Variants in SPN observed in about 807,000 individuals in gnomAD.
SPN encodes leukosialin.
SPN carries 6 observed loss-of-function variants against 8.4 expected under a neutral mutation model. The observed-to-expected ratio is 0.72, with a 90% CI of 0.39 to 1.42. The LOEUF (loss-of-function observed/expected upper bound fraction) is 1.42. Ranked by LOEUF, SPN falls within the 40% of genes most tolerant of loss-of-function variation. SPN has a pLI of 0.02. For synonymous variants in SPN, 201 were observed against 222.6 expected (o/e 0.90, Z 0.86); for missense variants, 517 against 530.6 (o/e 0.97, Z 0.25).
In SPN at chr16:29,668,856, AC is replaced by A. The variant is rs1484191758; in HGVS notation, c.*3926del. 1.8e-5 allele frequency: 3 copies of A among 166,824 alleles called. No homozygotes were observed. Among genetic ancestry groups the A allele is most frequent in the African/African-American group, 7.3e-5 (3 of 41,378 alleles). 10.3% of individuals were successfully genotyped at this position (166,824 alleles called of 1,614,324 possible). On this transcript the variant is annotated 3_prime_UTR_variant, in exon 2 of 2. Transcript: ENST00000652691. ...GGAAATACATAATTAAAAAAAAAAA[AC>A]GTGGAGCAGATCCAGCGCAGTGGCT... is the stretch of plus-strand genomic sequence containing the variant.
At position 29,670,717 on chromosome 16, in the gene SPN, C is replaced by T. The variant is rs1283821507; in HGVS notation, c.*5786C>T. On this transcript the variant is annotated 3_prime_UTR_variant, in exon 2 of 2. Coordinates refer to ENST00000652691, the MANE Select transcript of SPN (RefSeq NM_003123.6). ...TAGTTTTGTAATAAAAATTCCCAAC[C>T]ATATATGCACTTATAGGGAAACAAA... 2.2e-6 allele frequency: 1 copy of T among 452,918 alleles called. No homozygotes were observed. The highest frequency in any genetic ancestry group is 4.4e-6 in the Non-Finnish European group (1 of 225,552). The allele number at this position is 452,918 out of a possible 1,614,324, so 28.1% of individuals were successfully genotyped here.
Position 29,666,552 on chromosome 16 carries a change from A to ACAAGCG in SPN, c.*1622_*1623insAAGCGC, listed in dbSNP as rs139174583. ...CACACACACACACACACACACACAC[A>ACAAGCG]CGCGCGCGCGCGCGCGCTCTCCTGC... On this transcript the variant is annotated 3_prime_UTR_variant, in exon 2 of 2. Coordinates refer to ENST00000652691, the MANE Select transcript of SPN (RefSeq NM_003123.6). 2 of 148,970 alleles carry ACAAGCG rather than the reference A, an allele frequency of 1.3e-5. No individual in the cohort carries two copies. Among genetic ancestry groups the ACAAGCG allele is most frequent in the South Asian group, 4.8e-4 (2 of 4,174 alleles). 9.2% of individuals were successfully genotyped at this position (148,970 alleles called of 1,614,324 possible).
rs1308122459 is a variant in SPN, at chr16:29,663,936, T to G, written c.208T>G (p.Ser70Ala). The change falls in exon 2 of 2, where the codon TCC becomes GCC. Residue 70 changes from serine (S) to alanine (A), a missense_variant. By Grantham distance (99) the Ser-to-Ala change is moderately conservative. Coordinates refer to ENST00000652691, the MANE Select transcript of SPN (RefSeq NM_003123.6). The surrounding 1 kb of genome is among the most constrained non-coding windows in gnomAD (Gnocchi z 4.3). Reference sequence around the variant, plus strand: ...GACCTCAGCCCTACCTCCCTCAACTTCCATCAATGAGGGATCCCCTCTTTG... The same window carrying G: ...GACCTCAGCCCTACCTCCCTCAACTGCCATCAATGAGGGATCCCCTCTTTG... ...DQTSALPPST[S>A]INEGSPLWTS... 4 of 1,613,876 alleles carry G rather than the reference T, an allele frequency of 2.5e-6. No individual in the cohort carries two copies. The highest frequency in any genetic ancestry group is 1.6e-4 in the Middle Eastern group (1 of 6,062).
chr16:29,663,817 G>A lies in SPN; in HGVS notation c.89G>A (p.Gly30Glu). 1.9e-6 allele frequency: 3 copies of A among 1,614,048 alleles called. No homozygotes were observed. Among genetic ancestry groups the A allele is most frequent in the Non-Finnish European group, 2.5e-6 (3 of 1,180,002 alleles). ...ACAGCAGTGCAGACACCCACCTCCGGAGAGCCTTTGGTCTCTACTAGCGAG... is the reference window on the plus strand; with the variant it reads ...ACAGCAGTGCAGACACCCACCTCCGAAGAGCCTTTGGTCTCTACTAGCGAG... Reference protein sequence around the residue: ...STTAVQTPTSGEPLVSTSEPL... With the variant: ...STTAVQTPTSEEPLVSTSEPL... Residue 30 changes from glycine (G) to glutamate (E), a missense_variant, in exon 2 of 2, where the codon GGA (glycine) becomes GAA (glutamate). Transcript: ENST00000652691. The surrounding 1 kb of genome is among the most constrained non-coding windows in gnomAD (Gnocchi z 4.3).
rs900231923 is a variant in SPN at position 29,665,825 on chromosome 16, T to G, written c.*894T>G. ...ATGGCTGGGTGGGGCCACCAGCCCA[T>G]GCTCTCAGGCGGGCCTGTGATCTTT... On this transcript the variant is annotated 3_prime_UTR_variant, in exon 2 of 2. Transcript: ENST00000652691. The G allele has an allele frequency of 6.0e-6, 1 of 166,948 alleles. No individual in the cohort carries two copies. Among genetic ancestry groups the G allele is most frequent in the Non-Finnish European group, 1.5e-5 (1 of 68,138 alleles). 10.3% of individuals were successfully genotyped at this position (166,948 alleles called of 1,614,324 possible).
rs1456810699 is a variant in SPN, at chr16:29,664,768, G to C, written c.1040G>C (p.Gly347Ala). ...SRRPTLTTFF[G>A]RRKSRQGSLA... is the part of the protein sequence containing the mutation. ...CGGCCCACGCTCACCACTTTCTTTGGCAGACGGAAGTCTCGCCAGGGCTCC... is the reference window on the plus strand; with the variant it reads ...CGGCCCACGCTCACCACTTTCTTTGCCAGACGGAAGTCTCGCCAGGGCTCC... Residue 347 changes from glycine to alanine, a missense_variant, in exon 2 of 2, where the codon GGC (glycine) becomes GCC (alanine). Gly to Ala is a moderately conservative substitution (Grantham distance 60). Coordinates refer to ENST00000652691, the MANE Select transcript of SPN (RefSeq NM_003123.6). The surrounding 1 kb of genome is among the most constrained non-coding windows in gnomAD (Gnocchi z 6.4). The C allele has an allele frequency of 6.7e-7, 1 of 1,494,794 alleles. No homozygotes were observed. The highest frequency in any genetic ancestry group is 8.9e-7 in the Non-Finnish European group (1 of 1,124,398). The allele number at this position is 1,494,794 out of a possible 1,614,324, so 92.6% of individuals were successfully genotyped here.
rs1205566817 is a variant in SPN, at chr16:29,664,486, G to C, written c.758G>C (p.Arg253Pro). 2 of 1,614,072 alleles carry C rather than the reference G, an allele frequency of 1.2e-6. No individual in the cohort carries two copies. Among genetic ancestry groups the C allele is most frequent in the African/African-American group, 2.7e-5 (2 of 74,942 alleles). Residue 253 changes from arginine to proline, a missense_variant, in exon 2 of 2, where the codon CGA becomes CCA. Physicochemically the swap from Arg to Pro is moderately radical, Grantham distance 103. Coordinates refer to ENST00000652691, the MANE Select transcript of SPN (RefSeq NM_003123.6). The surrounding 1 kb of genome is among the most constrained non-coding windows in gnomAD (Gnocchi z 6.4). ...VPFRNPDENS[R>P]GMLPVAVLVA... ...TTCCGGAACCCAGATGAGAACTCAC[G>C]AGGCATGCTGCCAGTGGCTGTGCTT...
rs200728494 is a variant in SPN, at chr16:29,664,471, C to T, written c.743C>T (p.Pro248Leu). Residue 248 changes from proline (P) to leucine (L), a missense_variant, in exon 2 of 2, where the codon CCA becomes CTA. Pro to Leu is a moderately conservative substitution (Grantham distance 98). Transcript: ENST00000652691. The surrounding 1 kb of genome is among the most constrained non-coding windows in gnomAD (Gnocchi z 6.4). ...GCAAGCACTGTGCCCTTCCGGAACCCAGATGAGAACTCACGAGGCATGCTG... is the reference window on the plus strand; with the variant it reads ...GCAAGCACTGTGCCCTTCCGGAACCTAGATGAGAACTCACGAGGCATGCTG... Reference protein sequence around the residue: ...TNASTVPFRNPDENSRGMLPV... With the variant: ...TNASTVPFRNLDENSRGMLPV... The T allele has an allele frequency of 6.5e-5, 105 of 1,614,124 alleles. No homozygotes were observed. The highest frequency in any genetic ancestry group is 8.5e-5 in the Non-Finnish European group (100 of 1,180,054).
Position 29,665,098 on chromosome 16 carries a change from C to T in SPN, c.*167C>T. 1 of 779,520 alleles carries T rather than the reference C, an allele frequency of 1.3e-6. No homozygotes were observed. The highest frequency in any genetic ancestry group is 1.8e-5 in the African/African-American group (1 of 55,530). 48.3% of individuals were successfully genotyped at this position (779,520 alleles called of 1,614,324 possible). On this transcript the variant is annotated 3_prime_UTR_variant, in exon 2 of 2. Coordinates refer to ENST00000652691, the MANE Select transcript of SPN (RefSeq NM_003123.6). ...TGAGACAGAGTTTCGCTTTGTCGCC[C>T]AGGCTGGAGTGCAATGCACGATCTC...
At position 29,664,928 on chromosome 16, in the gene SPN, T is replaced by C; in HGVS notation, c.1200T>C (p.Pro400=). ...DEPEGGDGAA[P] is the part of the protein sequence containing the mutation. ...CCGAAGGGGGAGACGGGGCTGCCCCTTAAGTGTCGGTGAATAGTGAGGCTG... is the reference window on the plus strand; with the variant it reads ...CCGAAGGGGGAGACGGGGCTGCCCCCTAAGTGTCGGTGAATAGTGAGGCTG... The change falls in exon 2 of 2, where the codon CCT becomes CCC. Residue 400 remains proline (P), a synonymous_variant. Coordinates refer to ENST00000652691, the MANE Select transcript of SPN (RefSeq NM_003123.6). This position sits in a 1 kb window ranked among gnomAD's most constrained non-coding sequence, Gnocchi z 6.4. 4 of 1,396,408 alleles carry C rather than the reference T, an allele frequency of 2.9e-6. No individual in the cohort carries two copies. Among genetic ancestry groups the C allele is most frequent in the Non-Finnish European group, 3.7e-6 (4 of 1,071,242 alleles). 86.5% of individuals were successfully genotyped at this position (1,396,408 alleles called of 1,614,324 possible).
At position 29,670,694 on chromosome 16, in the gene SPN, G is replaced by A. The variant is rs1256804533; in HGVS notation, c.*5763G>A. The A allele has an allele frequency of 4.4e-6, 2 of 452,738 alleles. No individual in the cohort carries two copies. The highest frequency in any genetic ancestry group is 8.9e-6 in the Non-Finnish European group (2 of 225,428). 28.0% of individuals were successfully genotyped at this position (452,738 alleles called of 1,614,324 possible). On this transcript the variant is annotated 3_prime_UTR_variant, in exon 2 of 2. Transcript: ENST00000652691. ...CTCCTCTGTAATACATATGATTTTA[G>A]TTTTGTAATAAAAATTCCCAACCAT...
Position 29,663,665 on chromosome 16 carries a change from T to C in SPN, c.-34-30T>C. 6.6e-7 allele frequency: 1 copy of C among 1,512,108 alleles called. No homozygotes were observed. Among genetic ancestry groups the C allele is most frequent in the Non-Finnish European group, 8.8e-7 (1 of 1,134,822 alleles). 93.7% of individuals were successfully genotyped at this position (1,512,108 alleles called of 1,614,324 possible). Reference sequence around the variant, plus strand: ...GCCAGGTCCTCCGGCAACTCCCGCGTGTTCTGCTTCTCCGGCTGCCCACCT... The same window carrying C: ...GCCAGGTCCTCCGGCAACTCCCGCGCGTTCTGCTTCTCCGGCTGCCCACCT... On this transcript the variant is annotated intron_variant, in intron 1 of 1. Coordinates refer to ENST00000652691, the MANE Select transcript of SPN (RefSeq NM_003123.6). This position sits in a 1 kb window ranked among gnomAD's most constrained non-coding sequence, Gnocchi z 4.3.
At position 29,669,451 on chromosome 16, in the gene SPN, T is replaced by G. The variant is rs1351532012; in HGVS notation, c.*4520T>G. ...CCCGACCTCTGCTGATCCGTATGCC[T>G]CGGCCTCCCAAAGTGCTGGGATTAC... On this transcript the variant is annotated 3_prime_UTR_variant, in exon 2 of 2. Coordinates refer to ENST00000652691, the MANE Select transcript of SPN (RefSeq NM_003123.6). 6.1e-6 allele frequency: 1 copy of G among 162,666 alleles called. No homozygotes were observed. Among genetic ancestry groups the G allele is most frequent in the Non-Finnish European group, 1.5e-5 (1 of 67,930 alleles). 10.1% of individuals were successfully genotyped at this position (162,666 alleles called of 1,614,324 possible). A position where few individuals can be genotyped will look rare whatever the true frequency, so the allele number is the denominator to read the frequency against.
Position 29,664,587 on chromosome 16 carries a change from G to A in SPN, c.859G>A (p.Ala287Thr). 2.5e-6 allele frequency: 4 copies of A among 1,611,310 alleles called. No individual in the cohort carries two copies. The highest frequency in any genetic ancestry group is 3.4e-6 in the Non-Finnish European group (4 of 1,179,028). Residue 287 changes from alanine (A) to threonine (T), a missense_variant, in exon 2 of 2, where the codon GCC becomes ACC. By Grantham distance (58) the Ala-to-Thr change is moderately conservative. Coordinates refer to ENST00000652691, the MANE Select transcript of SPN (RefSeq NM_003123.6). The surrounding 1 kb of genome is among the most constrained non-coding windows in gnomAD (Gnocchi z 6.4). ...CCGGCGGCAGAAGCGGCGGACTGGG[G>A]CCCTCGTGCTGAGCAGAGGCGGCAA... ...WRRRQKRRTG[A>T]LVLSRGGKRN...
Position 29,663,464 on chromosome 16 carries a change from C to T in SPN, c.-35+148C>T. On this transcript the variant is annotated intron_variant, in intron 1 of 1. Transcript: ENST00000652691. This position sits in a 1 kb window ranked among gnomAD's most constrained non-coding sequence, Gnocchi z 4.3. Reference sequence around the variant, plus strand: ...AGGGAAGGCCAGGAGGGGCTGGTCACTGCTGGAATCTAAGCTGCTGAGGCT... The same window carrying T: ...AGGGAAGGCCAGGAGGGGCTGGTCATTGCTGGAATCTAAGCTGCTGAGGCT... 4.3e-6 allele frequency: 2 copies of T among 462,672 alleles called. No individual in the cohort carries two copies. The highest frequency in any genetic ancestry group is 7.7e-6 in the Non-Finnish European group (2 of 259,244). The allele number at this position is 462,672 out of a possible 1,614,324, so 28.7% of individuals were successfully genotyped here. A position where few individuals can be genotyped will look rare whatever the true frequency, so the allele number is the denominator to read the frequency against.
chr16:29,663,162 C>G (rs1410445916), upstream of SPN: 1 of 125,326 alleles, frequency 8.0e-6, no homozygotes, highest in African/African-American at 2.9e-5. The surrounding 1 kb of genome is among the most constrained non-coding windows in gnomAD (Gnocchi z 4.3). Context: ...GCTGTGGGAG[C>G]AGGCGGGTGG....
At position 29,669,011 on chromosome 16, in the gene SPN, G is replaced by C. The variant is rs889513668; in HGVS notation, c.*4080G>C. 1.2e-5 allele frequency: 2 copies of C among 166,654 alleles called. No homozygotes were observed. Among genetic ancestry groups the C allele is most frequent in the Non-Finnish European group, 2.9e-5 (2 of 68,114 alleles). The allele number at this position is 166,654 out of a possible 1,614,324, so 10.3% of individuals were successfully genotyped here. On this transcript the variant is annotated 3_prime_UTR_variant, in exon 2 of 2. Coordinates refer to ENST00000652691, the MANE Select transcript of SPN (RefSeq NM_003123.6). Reference sequence around the variant, plus strand: ...AAAACACAAAAAATTAGCCAGGCGTGGTGGTGCATGCCTGTAGTACCAGCT... The same window carrying C: ...AAAACACAAAAAATTAGCCAGGCGTCGTGGTGCATGCCTGTAGTACCAGCT...
Position 29,664,939 on chromosome 16 carries a change from T to A in SPN, c.*8T>A. 1 of 1,371,338 alleles carries A rather than the reference T, an allele frequency of 7.3e-7. No individual in the cohort carries two copies. The highest frequency in any genetic ancestry group is 9.5e-7 in the Non-Finnish European group (1 of 1,057,058). 84.9% of individuals were successfully genotyped at this position (1,371,338 alleles called of 1,614,324 possible). On this transcript the variant is annotated 3_prime_UTR_variant, in exon 2 of 2. Coordinates refer to ENST00000652691, the MANE Select transcript of SPN (RefSeq NM_003123.6). The surrounding 1 kb of genome is among the most constrained non-coding windows in gnomAD (Gnocchi z 6.4). Reference sequence around the variant, plus strand: ...GACGGGGCTGCCCCTTAAGTGTCGGTGAATAGTGAGGCTGGAGGCCGGAAT... The same window carrying A: ...GACGGGGCTGCCCCTTAAGTGTCGGAGAATAGTGAGGCTGGAGGCCGGAAT...
rs1966805394 is a variant in SPN, at chr16:29,666,084, G to A, written c.*1153G>A. 2 of 167,150 alleles carry A rather than the reference G, an allele frequency of 1.2e-5. No homozygotes were observed. The highest frequency in any genetic ancestry group is 4.8e-5 in the African/African-American group (2 of 41,444). The allele number at this position is 167,150 out of a possible 1,614,324, so 10.4% of individuals were successfully genotyped here. Reference sequence around the variant, plus strand: ...TGTGGGTACAGACGGTGTGGGGGTGGGAAGTGGTGCAGAGACTGAAGAGGG... The same window carrying A: ...TGTGGGTACAGACGGTGTGGGGGTGAGAAGTGGTGCAGAGACTGAAGAGGG... On this transcript the variant is annotated 3_prime_UTR_variant, in exon 2 of 2. Transcript: ENST00000652691.
Sources: allele counts gnomAD v4.1 joint callset, GRCh38; gene constraint gnomAD v4.1.1; non-coding constraint Gnocchi (gnomAD v3.1); transcripts MANE v1.5; gene names NCBI Gene and HGNC (gene_info 2026-07-23, HGNC 2026-07-21).